The following MAN2A1 variants were observed in gnomAD, a reference collection of about 807,000 sequenced individuals.
MAN2A1 encodes alpha-mannosidase 2.
In MAN2A1, 76 loss-of-function variants were observed where a neutral mutation model predicts 142.6. The ratio of observed to expected loss-of-function variants is 0.53; its 90% CI spans 0.44 to 0.65. MAN2A1 has a LOEUF of 0.65. MAN2A1 is among the 30% of genes least tolerant of loss of function. The pLI, the probability that MAN2A1 is intolerant of heterozygous loss-of-function variation, is 0.00. For missense variants in MAN2A1, 1,311 were observed against 1,365.1 expected (o/e 0.96, Z 0.62); for synonymous variants, 559 against 473.2 (o/e 1.18, Z -2.35).
intron 16 of MAN2A1, among the ~76,000 whole-genome samples, chr5:109,835,611 T>C (rs569057876): frequency 3.7e-4 from 56 of 152,346 alleles, no homozygotes; most frequent in African/African-American, 1.3e-3. Context: ...TCTAATGAGT[T>C]GTCCTAATCA....
chr5:109,715,977 C>G, intron 2 of MAN2A1, 143 bp from the exon 3 acceptor site: 1 of 499,626 alleles, frequency 2.0e-6, no homozygotes, highest in Non-Finnish European at 3.3e-6. Flanking sequence ...ATTTTCTACT[C>G]TAAACTCCTC....
chr5:109,707,187 G>A (rs897804855), intron 1 of MAN2A1, among the ~76,000 whole-genome samples: 14 of 152,178 alleles, frequency 9.2e-5, no homozygotes, highest in African/African-American at 3.4e-4. Flanking sequence ...TTCCCAAACA[G>A]CCCATGAAAA....
At chr5:109,807,831 C>T (rs1290557570) in intron 12 of MAN2A1, among the ~76,000 whole-genome samples, 1 of 152,128 alleles carries the variant, frequency 6.6e-6, no homozygotes, top group Non-Finnish European at 1.5e-5. Flanking sequence ...TTTAAATTTC[C>T]AGTGGAAAAA....
chr5:109,847,323 G>A (rs1010142648), intron 18 of MAN2A1, among the ~76,000 whole-genome samples: 6 of 152,000 alleles, frequency 3.9e-5, no homozygotes, highest in African/African-American at 1.5e-4. Flanking sequence ...TAAAAGTTTC[G>A]GAGAACTTAA....
intron 1 of MAN2A1, among the ~76,000 whole-genome samples, chr5:109,712,942 A>G (rs1408404614): frequency 6.6e-6 from 1 of 152,228 alleles, no homozygotes; most frequent in African/African-American, 2.4e-5. Context: ...AAAAAAATTT[A>G]AGACACACAG....
chr5:109,759,060 A>G (rs550895800), intron 5 of MAN2A1, among the ~76,000 whole-genome samples: 2 of 152,020 alleles, frequency 1.3e-5, no homozygotes, highest in Non-Finnish European at 2.9e-5. Context: ...TGTTTTTTCC[A>G]TGTGAATTTT....
intron 8 of MAN2A1, among the ~76,000 whole-genome samples, chr5:109,776,162 A>G (rs921936064): frequency 6.6e-6 from 1 of 151,994 alleles, no homozygotes; most frequent in Non-Finnish European, 1.5e-5. Context: ...ATTGACATGT[A>G]AAAGTAGAAC....
chr5:109,727,846 T>C (rs1263598759), intron 3 of MAN2A1, among the ~76,000 whole-genome samples: 2 of 152,204 alleles, frequency 1.3e-5, no homozygotes, highest in Non-Finnish European at 2.9e-5. Context: ...GGCTCAGTGC[T>C]CTGGGGGCAG....
intron 16 of MAN2A1, 88 bp downstream of exon 16, chr5:109,823,925 G>T: frequency 4.9e-5 from 28 of 575,480 alleles, no homozygotes; most frequent in South Asian, 3.2e-4. Flanking sequence ...ATTAACAGTT[G>T]GTTTTTGTAG....
intron 4 of MAN2A1, among the ~76,000 whole-genome samples, chr5:109,737,298 G>T (rs1752131281): frequency 6.6e-6 from 1 of 151,896 alleles, no homozygotes; most frequent in South Asian, 2.1e-4. Flanking sequence ...CACCATGTTG[G>T]CCAGGCTGGT....
rs61735368 is a variant in MAN2A1, at chr5:109,866,969, A to G, written c.3406A>G (p.Ile1136Val). 8.8e-4 allele frequency: 1,411 copies of G among 1,611,478 alleles called. 12 individuals are homozygous for G. In the African/African-American group the frequency reaches 0.017, roughly 19 times the overall value. ...TGAGATCAACTTGAGTCCAATGGAA[A>G]TCAGCACATTCCGAATCCAGTTGAG... ...ISEINLSPME[I>V]STFRIQLR The change falls in exon 22 of 22, where the codon ATC (isoleucine) becomes GTC (valine). Residue 1136 changes from isoleucine to valine, a missense_variant. By Grantham distance (29) the Ile-to-Val change is conservative. Coordinates refer to ENST00000261483, the MANE Select transcript of MAN2A1 (RefSeq NM_002372.4).
intron 4 of MAN2A1, among the ~76,000 whole-genome samples, chr5:109,732,697 G>T (rs1439377338): frequency 6.6e-6 from 1 of 152,098 alleles, no homozygotes; most frequent in Non-Finnish European, 1.5e-5. Flanking sequence ...ATTTCTGAGG[G>T]CTGTGTTCTG....
intron 19 of MAN2A1, among the ~76,000 whole-genome samples, chr5:109,851,337 G>A (rs1343162525): frequency 6.6e-6 from 1 of 152,224 alleles, no homozygotes; most frequent in Non-Finnish European, 1.5e-5. Flanking sequence ...GGGTTTGAAT[G>A]TGTCCCCCAA....
intron 12 of MAN2A1, among the ~76,000 whole-genome samples, chr5:109,803,964 A>G (rs1354351820): frequency 6.6e-6 from 1 of 152,082 alleles, no homozygotes; most frequent in African/African-American, 2.4e-5. Context: ...TATTGTTTTC[A>G]GTTTCTTGCA....
intron 16 of MAN2A1, 56 bp downstream of exon 16, chr5:109,823,893 G>A: frequency 1.2e-6 from 1 of 816,922 alleles, no homozygotes; most frequent in Non-Finnish European, 1.8e-6. Flanking sequence ...TTGAATTCTT[G>A]CTTTTCTTAT....
intron 4 of MAN2A1, among the ~76,000 whole-genome samples, chr5:109,741,664 A>G (rs1184381709): frequency 1.3e-5 from 2 of 152,202 alleles, no homozygotes; most frequent in Admixed American, 6.5e-5. Flanking sequence ...AACAGAAACA[A>G]AACTCAAATG....
In MAN2A1 at chr5:109,855,334, G is replaced by A. The variant is rs755445301; in HGVS notation, c.3171G>A (p.Lys1057=). The A allele has an allele frequency of 2.5e-5, 38 of 1,550,224 alleles. No homozygotes were observed. Among genetic ancestry groups the A allele is most frequent in the Non-Finnish European group, 3.2e-5 (37 of 1,152,040 alleles). The change falls in exon 20 of 22, where the codon AAG becomes AAA. Residue 1057 remains lysine (K), a splice_region_variant and synonymous_variant. Coordinates refer to ENST00000261483, the MANE Select transcript of MAN2A1 (RefSeq NM_002372.4). ...TTAATTTGAGAACAATACAGTCAAA[G>A]GTATGTCTCAAAATATATCTTATAA... is the stretch of plus-strand genomic sequence containing the variant. ...HLVNLRTIQS[K]VGNGHSNEAA... is the part of the protein sequence containing the mutation.
intron 16 of MAN2A1, among the ~76,000 whole-genome samples, chr5:109,833,476 C>A (rs904032839): frequency 2.0e-5 from 3 of 152,052 alleles, no homozygotes. Context: ...GAGACCAGCC[C>A]GGCCAACACG....
chr5:109,760,425 A>C (rs932233397), intron 5 of MAN2A1, among the ~76,000 whole-genome samples: 1 of 152,304 alleles, frequency 6.6e-6, no homozygotes, highest in South Asian at 2.1e-4. Flanking sequence ...GCTACTGTGA[A>C]TAGTGCTGCA....
Sources: allele counts gnomAD v4.1 joint callset (sites outside exome capture counted in the v4.1 genomes callset), GRCh38; gene constraint gnomAD v4.1.1; transcripts MANE v1.5; gene names NCBI Gene and HGNC (gene_info 2026-07-23, HGNC 2026-07-21).